Variants in NLRC5 observed in about 807,000 individuals in gnomAD.
The protein encoded by NLRC5 is protein NLRC5.
NLRC5 carries 114 observed loss-of-function variants against 206.9 expected under a neutral mutation model. The ratio of observed to expected loss-of-function variants is 0.55; its 90% CI spans 0.47 to 0.64. The LOEUF is 0.64. Ranked by LOEUF, NLRC5 falls within the 30% of genes least tolerant of loss-of-function variation. NLRC5 has a pLI of 0.00. For synonymous variants in NLRC5, 952 were observed against 962.8 expected (o/e 0.99, Z 0.21); for missense variants, 2,008 against 2,305.5 (o/e 0.87, Z 2.64).
intron 23 of NLRC5, among the ~76,000 whole-genome samples, chr16:57,049,378 C>A (rs2144128152): frequency 6.6e-6 from 1 of 152,300 alleles, no homozygotes; most frequent in East Asian, 1.9e-4. Flanking sequence ...CCTGGGAACA[C>A]AAGGAGACTG....
intron 38 of NLRC5, among the ~76,000 whole-genome samples, chr16:57,073,852 A>T (rs1019641859): frequency 3.3e-5 from 5 of 152,182 alleles, no homozygotes; most frequent in Non-Finnish European, 7.4e-5. Context: ...CCTTGGCCTC[A>T]CAAAGTCCTG....
chr16:57,045,405 G>A, intron 20 of NLRC5, 43 bp from the exon 21 acceptor site: 1 of 1,612,582 alleles, frequency 6.2e-7, no homozygotes, highest in Non-Finnish European at 8.5e-7. Flanking sequence ...AGGGAAGTTG[G>A]TCTTTGACCA....
chr16:57,035,142 A>G (rs1352135956), intron 13 of NLRC5, among the ~76,000 whole-genome samples: 4 of 152,160 alleles, frequency 2.6e-5, no homozygotes, highest in Admixed American at 6.5e-5. Context: ...CCGCCTGGTT[A>G]CGCAGCCACC....
chr16:57,025,953 T>C lies in NLRC5; in HGVS notation c.1010T>C (p.Leu337Pro). 6.2e-7 allele frequency: 1 copy of C among 1,614,134 alleles called. No homozygotes were observed. The highest frequency in any genetic ancestry group is 8.5e-7 in the Non-Finnish European group (1 of 1,180,012). ...TCCCATCTCTGCAATGGGACCCTCC[T>C]GCCTGGCTGCCGGGTGATGGCTACC... ...LFSHLCNGTLLPGCRVMATSR... is the reference protein window; with the variant it reads ...LFSHLCNGTLPPGCRVMATSR... The change falls in exon 6 of 49, where the codon CTG becomes CCG. Residue 337 changes from leucine (L) to proline (P), a missense_variant. Coordinates refer to ENST00000688547, the MANE Select transcript of NLRC5 (RefSeq NM_001384950.1).
rs770433526 is a variant in NLRC5, at chr16:57,058,122, G to A, written c.3804G>A (p.Pro1268=). ...TCAGATGCCTTCTGGAATGTCTGCCGCAGGTGCCCATCTCCGGTTTGCTTG... is the reference window on the plus strand; with the variant it reads ...TCAGATGCCTTCTGGAATGTCTGCCACAGGTGCCCATCTCCGGTTTGCTTG... ...SGLRCLLECL[P]QVPISGLLDL... The change falls in exon 28 of 49, where the codon CCG becomes CCA. Residue 1268 remains proline, a synonymous_variant. Transcript: ENST00000688547. 1.2e-5 allele frequency: 20 copies of A among 1,610,414 alleles called. 1 individual carries two copies. The highest frequency in any genetic ancestry group is 1.0e-4 in the South Asian group (9 of 90,256).
chr16:56,998,225 G>A, intron 1 of NLRC5, among the ~76,000 whole-genome samples: 1 of 146,272 alleles, frequency 6.8e-6, no homozygotes, highest in African/African-American at 2.5e-5. Context: ...TTAAAAAAAT[G>A]TATTAATTCT....
chr16:57,075,521 C>T (rs1193696035), intron 39 of NLRC5, among the ~76,000 whole-genome samples: 2 of 152,116 alleles, frequency 1.3e-5, no homozygotes, highest in Non-Finnish European at 2.9e-5. Flanking sequence ...CGCCTGGCTT[C>T]AGACTCTGCA....
At chr16:57,015,792 TG>T (rs1332339908) in intron 1 of NLRC5, among the ~76,000 whole-genome samples, 4 of 150,796 alleles carry the variant, frequency 2.7e-5, no homozygotes, top group Non-Finnish European at 5.9e-5. Context: ...CCGGGTGTAG[TG>T]GCACATGCCT....
intron 38 of NLRC5, among the ~76,000 whole-genome samples, chr16:57,072,759 C>CG (rs1406213029): frequency 6.6e-6 from 1 of 151,942 alleles, no homozygotes; most frequent in Non-Finnish European, 1.5e-5. Context: ...TGAAATGCCC[C>CG]GGGGATGACA....
At chr16:57,076,017 G>A (rs896829870) in intron 39 of NLRC5, 4 of 187,390 alleles carry the variant, frequency 2.1e-5, no homozygotes, top group East Asian at 3.7e-4. Flanking sequence ...GGGTTCAAGC[G>A]ATTCTGGTGC....
At chr16:57,081,866 G>A (rs1293651930) in intron 48 of NLRC5, among the ~76,000 whole-genome samples, 6 of 152,232 alleles carry the variant, frequency 3.9e-5, no homozygotes, top group Non-Finnish European at 2.9e-5. Flanking sequence ...TGGGGATACT[G>A]ATAGTATCTA....
chr16:57,037,429 C>T, intron 15 of NLRC5, 145 bp downstream of exon 15: 2 of 707,730 alleles, frequency 2.8e-6, no homozygotes, highest in Non-Finnish European at 5.0e-6. Context: ...AGCCGGCACC[C>T]CTCTTCCTAG....
At chr16:57,042,446 G>C (rs939529341) in intron 19 of NLRC5, among the ~76,000 whole-genome samples, 1 of 152,088 alleles carries the variant, frequency 6.6e-6, no homozygotes, top group Non-Finnish European at 1.5e-5. Flanking sequence ...GGGTAGACAG[G>C]GAGGGTTTGT....
At chr16:57,079,321 G>C (rs761503564) in intron 45 of NLRC5, 29 bp downstream of exon 45, 26 of 1,607,286 alleles carry the variant, frequency 1.6e-5, no homozygotes, top group Non-Finnish European at 1.8e-5. Context: ...CTGCCTAGGG[G>C]ACCAGTGGCA....
In NLRC5 at chr16:57,067,430, G is replaced by C; in HGVS notation, c.4366G>C (p.Gly1456Arg). The C allele has an allele frequency of 6.2e-7, 1 of 1,614,166 alleles. No homozygotes were observed. Among genetic ancestry groups the C allele is most frequent in the Non-Finnish European group, 8.5e-7 (1 of 1,180,036 alleles). The part of the protein sequence containing the change: ...DLGAHHSLLV[G>R]QLMETCARLQ... ...TGGAGCCCACCACAGCCTTCTTGTC[G>C]GGCAGCTGATGGAGACATGTGCCAG... Residue 1456 changes from glycine to arginine, a missense_variant, in exon 35 of 49, where the codon GGG becomes CGG. By Grantham distance (125) the Gly-to-Arg change is moderately radical. Transcript: ENST00000688547.
At chr16:57,061,735 A>G (rs759234473) in intron 32 of NLRC5, 34 bp downstream of exon 32, 8 of 1,585,462 alleles carry the variant, frequency 5.0e-6, no homozygotes, top group Admixed American at 1.7e-5. Context: ...GGGAGGGGCC[A>G]TGGCATGAAT....
At position 57,037,184 on chromosome 16, in the gene NLRC5, G is replaced by C. The variant is rs762068229; in HGVS notation, c.2712-11G>C. 18 of 1,612,196 alleles carry C rather than the reference G, an allele frequency of 1.1e-5. No individual in the cohort carries two copies. The Admixed American group carries it at 3.0e-4, about 27-fold the overall frequency. ...CACATGCCAACGGCTGCCTTCTCCT[G>C]CTCTCCACAGCCTCAGTAACAACGG... is the stretch of plus-strand genomic sequence containing the variant. On this transcript the variant is annotated splice_polypyrimidine_tract_variant and intron_variant, in intron 14 of 48. Transcript: ENST00000688547.
chr16:57,047,550 G>A lies in NLRC5; in HGVS notation c.3344G>A (p.Ser1115Asn). The A allele has an allele frequency of 1.2e-6, 2 of 1,611,836 alleles. No individual in the cohort carries two copies. Among genetic ancestry groups the A allele is most frequent in the Non-Finnish European group, 1.7e-6 (2 of 1,179,136 alleles). Residue 1115 changes from serine to asparagine, a missense_variant, in exon 23 of 49, where the codon AGT becomes AAT. Ser to Asn is a conservative substitution (Grantham distance 46). Coordinates refer to ENST00000688547, the MANE Select transcript of NLRC5 (RefSeq NM_001384950.1). The stretch of plus-strand genomic sequence containing the variant: ...TGCCCATTGCCCCTTTGCAGCCTCA[G>A]TGAGTGTCCTCTGGAGCCCCCAAGC... ...QRCIPRSLCL[S>N]ECPLEPPSLT...
chr16:57,046,544 C>A lies in NLRC5; in HGVS notation c.3249-8C>A. 1 of 1,612,604 alleles carries A rather than the reference C, an allele frequency of 6.2e-7. No individual in the cohort carries two copies. The highest frequency in any genetic ancestry group is 1.1e-5 in the South Asian group (1 of 91,046). Reference sequence around the variant, plus strand: ...TGAACTTTCCTTTCTAAATGATCCCCCTCCTAGGGATATGTGGGCCACTGG... The same window carrying A: ...TGAACTTTCCTTTCTAAATGATCCCACTCCTAGGGATATGTGGGCCACTGG... On this transcript the variant is annotated splice_region_variant and splice_polypyrimidine_tract_variant and intron_variant, in intron 21 of 48. Transcript: ENST00000688547.
Sources: gnomAD v4.1 joint callset for allele counts (sites outside exome capture counted in the v4.1 genomes callset) on GRCh38, gnomAD v4.1.1 for gene constraint, MANE v1.5 for transcripts, NCBI Gene and HGNC (gene_info 2026-07-23, HGNC 2026-07-21) for gene names.